ZRANB3: variants seen among roughly 807,000 people sequenced by gnomAD.
ZRANB3 encodes DNA annealing helicase and endonuclease ZRANB3.
Under a neutral mutation model 133.8 loss-of-function variants are expected in ZRANB3, and 125 were observed. The ratio of observed to expected loss-of-function variants is 0.93; its 90% CI spans 0.81 to 1.08. The LOEUF is 1.08. ZRANB3 is among the 50% of genes least tolerant of loss of function. The pLI is 0.00. For missense variants in ZRANB3, 1,229 were observed against 1,275.5 expected (o/e 0.96, Z 0.56); for synonymous variants, 387 against 432.7 (o/e 0.89, Z 1.31).
intron 2 of ZRANB3, among the ~76,000 whole-genome samples, chr2:135,480,065 C>A (rs538244416): frequency 6.6e-6 from 1 of 151,486 alleles, no homozygotes; most frequent in African/African-American, 2.4e-5. Flanking sequence ...TCCAAGGTAG[C>A]TGGGACTACA....
At chr2:135,515,162 G>C (rs2104835436) in intron 1 of ZRANB3, among the ~76,000 whole-genome samples, 1 of 152,200 alleles carries the variant, frequency 6.6e-6, no homozygotes, top group Admixed American at 6.5e-5. Flanking sequence ...AAATGAGTTA[G>C]GTAGGAGTCC....
chr2:135,265,752 C>T, intron 11 of ZRANB3, 66 bp from the exon 12 acceptor site: 2 of 1,490,288 alleles, frequency 1.3e-6, no homozygotes, highest in Non-Finnish European at 1.8e-6. Flanking sequence ...CACTAAGTAA[C>T]TTGATTTTGC....
intron 3 of ZRANB3, among the ~76,000 whole-genome samples, chr2:135,365,943 G>A (rs1480627430): frequency 6.6e-6 from 1 of 152,100 alleles, no homozygotes; most frequent in Non-Finnish European, 1.5e-5. Flanking sequence ...ATAAAATTAT[G>A]GTGGAAGTAA....
At chr2:135,386,845 G>C (rs2104920496) in intron 3 of ZRANB3, among the ~76,000 whole-genome samples, 1 of 152,126 alleles carries the variant, frequency 6.6e-6, no homozygotes, top group South Asian at 2.1e-4. Flanking sequence ...CCTTTCGGGG[G>C]TGGGGCCCTG....
At chr2:135,375,368 C>G (rs1014491054) in intron 3 of ZRANB3, among the ~76,000 whole-genome samples, 1 of 151,980 alleles carries the variant, frequency 6.6e-6, no homozygotes, top group Non-Finnish European at 1.5e-5. Context: ...GCCTGACCAA[C>G]ATGGGGAAAC....
chr2:135,310,438 T>C (rs1016031138), intron 8 of ZRANB3, among the ~76,000 whole-genome samples: 1 of 152,246 alleles, frequency 6.6e-6, no homozygotes, highest in Non-Finnish European at 1.5e-5. Flanking sequence ...AAAATCCATA[T>C]GTAAAATGAC....
rs931562730 is a variant in ZRANB3 at position 135,350,398 on chromosome 2, C to G, written c.360-183G>C. ...TCCTCAAATATAATAAACCAGGATC[C>G]AAAATTTACAGTTTTGGTTAACCAA... is the stretch of plus-strand genomic sequence containing the variant. On this transcript the variant is annotated intron_variant, in intron 4 of 20. Transcript: ENST00000264159. Among the ~76,000 whole-genome samples the G allele has an allele frequency of 7.9e-5, 12 of 152,094 alleles. 1 individual carries two copies. Among genetic ancestry groups the G allele is most frequent in the Admixed American group, 3.3e-4 (5 of 15,278 alleles).
At chr2:135,451,413 T>G (rs1222084280) in intron 2 of ZRANB3, among the ~76,000 whole-genome samples, 1 of 151,612 alleles carries the variant, frequency 6.6e-6, no homozygotes, top group East Asian at 1.9e-4. Flanking sequence ...AATACAAAAC[T>G]TAGCCAGGCA....
intron 8 of ZRANB3, among the ~76,000 whole-genome samples, chr2:135,294,452 C>T (rs1681929218): frequency 6.6e-6 from 1 of 152,084 alleles, no homozygotes; most frequent in African/African-American, 2.4e-5. Flanking sequence ...TCCCCTTTGT[C>T]ATTTTTTATT....
chr2:135,393,107 A>G (rs1214470445), intron 2 of ZRANB3, among the ~76,000 whole-genome samples: 2 of 152,014 alleles, frequency 1.3e-5, no homozygotes, highest in Admixed American at 1.3e-4. Flanking sequence ...GACTCATGTG[A>G]TCCACCCACC....
chr2:135,366,894 G>A (rs1035792383), intron 3 of ZRANB3, among the ~76,000 whole-genome samples: 2 of 151,846 alleles, frequency 1.3e-5, no homozygotes, highest in Non-Finnish European at 1.5e-5. Flanking sequence ...GGTGGCAGGC[G>A]CCTGTAGTCC....
chr2:135,406,320 G>T (rs1445252683), intron 2 of ZRANB3, among the ~76,000 whole-genome samples: 6 of 152,064 alleles, frequency 3.9e-5, no homozygotes, highest in African/African-American at 1.4e-4. Flanking sequence ...TGAAATTGAG[G>T]CAATAATTAA....
chr2:135,434,127 A>T (rs1226506029), intron 2 of ZRANB3, among the ~76,000 whole-genome samples: 1 of 152,156 alleles, frequency 6.6e-6, no homozygotes, highest in Non-Finnish European at 1.5e-5. Context: ...ATGCCACTGC[A>T]CTCCAGCCTG....
At chr2:135,321,317 GT>G (rs1683514685) in intron 6 of ZRANB3, among the ~76,000 whole-genome samples, 1 of 152,146 alleles carries the variant, frequency 6.6e-6, no homozygotes, top group Non-Finnish European at 1.5e-5. Context: ...TAATGCACGT[GT>G]ACTGGTATTT....
chr2:135,468,761 T>C (rs1691117191), intron 2 of ZRANB3, among the ~76,000 whole-genome samples: 1 of 152,216 alleles, frequency 6.6e-6, no homozygotes, highest in African/African-American at 2.4e-5. Context: ...ACTTATTTTA[T>C]CATTAAGCTA....
chr2:135,301,081 G>A (rs1408049207), intron 8 of ZRANB3, among the ~76,000 whole-genome samples: 1 of 152,078 alleles, frequency 6.6e-6, no homozygotes, highest in Non-Finnish European at 1.5e-5. Flanking sequence ...CACGATCGTG[G>A]CTCACTGCAG....
intron 3 of ZRANB3, among the ~76,000 whole-genome samples, chr2:135,364,528 A>C (rs1685837623): frequency 6.6e-6 from 1 of 152,108 alleles, no homozygotes; most frequent in African/African-American, 2.4e-5. Flanking sequence ...TGGGCGGATA[A>C]CTTGAGGTCA....
intron 2 of ZRANB3, among the ~76,000 whole-genome samples, chr2:135,413,987 C>T (rs539959460): frequency 5.9e-5 from 9 of 152,012 alleles, no homozygotes; most frequent in South Asian, 2.1e-4. Flanking sequence ...GAGTACCAAC[C>T]GTGGCAAAAT....
intron 8 of ZRANB3, among the ~76,000 whole-genome samples, chr2:135,282,275 G>T (rs927885768): frequency 6.6e-6 from 1 of 152,142 alleles, no homozygotes; most frequent in Admixed American, 6.5e-5. Flanking sequence ...TCCCCACCTA[G>T]CTTCTGCAGC....
Sources: allele counts gnomAD v4.1 joint callset (sites outside exome capture counted in the v4.1 genomes callset), GRCh38; gene constraint gnomAD v4.1.1; transcripts MANE v1.5; gene names NCBI Gene and HGNC (gene_info 2026-07-23, HGNC 2026-07-21).